The following PCDHGA6 variants were observed in gnomAD, a reference collection of about 807,000 sequenced individuals.
The protein encoded by PCDHGA6 is protocadherin gamma-A6.
PCDHGA6 carries 41 observed loss-of-function variants against 60.6 expected under a neutral mutation model. The observed-to-expected ratio is 0.68, with a 90% CI of 0.53 to 0.88. The LOEUF is 0.88. Ranked by LOEUF, PCDHGA6 falls within the 40% of genes least tolerant of loss-of-function variation. PCDHGA6 has a pLI of 0.00. For missense variants in PCDHGA6, 1,312 were observed against 1,203.0 expected (o/e 1.09, Z -1.34); for synonymous variants, 594 against 524.4 (o/e 1.13, Z -1.81).
chr5:141,461,988 T>A (rs771762127), intron 1 of PCDHGA6, among the ~76,000 whole-genome samples: 1 of 152,170 alleles, frequency 6.6e-6, no homozygotes, highest in Non-Finnish European at 1.5e-5. Flanking sequence ...CACGCCAGGC[T>A]AATTTTGTAT....
At chr5:141,418,802 T>C in intron 1 of PCDHGA6, 1 of 1,613,862 alleles carries the variant, frequency 6.2e-7, no homozygotes, top group Non-Finnish European at 8.5e-7. Flanking sequence ...AGTAGAAAGA[T>C]ATACGATAAA....
In PCDHGA6 at chr5:141,476,928, T is replaced by C. The variant is rs1279715094; in HGVS notation, c.2425-17879T>C. 6.2e-7 allele frequency: 1 copy of C among 1,614,142 alleles called. No individual in the cohort carries two copies. The highest frequency in any genetic ancestry group is 2.2e-5 in the East Asian group (1 of 44,868). On this transcript the variant is annotated intron_variant, in intron 1 of 3. Transcript: ENST00000517434. This position sits in a 1 kb window ranked among gnomAD's most constrained non-coding sequence, Gnocchi z 7.6. ...GTGGTACAAGTCCTTGCAACGGATC[T>C]GGATGAAGGCCCCAACGGTGAAATT...
chr5:141,404,429 G>A (rs760246804), intron 1 of PCDHGA6: 1 of 1,613,682 alleles, frequency 6.2e-7, no homozygotes, highest in East Asian at 2.2e-5. Flanking sequence ...CTCCTTGGCA[G>A]AGGATACCAT....
intron 1 of PCDHGA6, among the ~76,000 whole-genome samples, chr5:141,470,842 C>A (rs2099241464): frequency 6.6e-6 from 1 of 152,044 alleles, no homozygotes; most frequent in Non-Finnish European, 1.5e-5. Context: ...CACACGCCAC[C>A]ATGCTCAGAT....
At chr5:141,387,570 A>T (rs1490079513) in intron 1 of PCDHGA6, 4 of 455,052 alleles carry the variant, frequency 8.8e-6, no homozygotes, top group Non-Finnish European at 1.2e-5. Flanking sequence ...CACAATTATA[A>T]TTATTGCACT....
intron 1 of PCDHGA6, chr5:141,418,959 C>A: frequency 6.2e-7 from 1 of 1,613,976 alleles, no homozygotes; most frequent in East Asian, 2.2e-5. Flanking sequence ...GTGGTTGTTG[C>A]CCTCTTCAAA....
chr5:141,428,197 G>A, intron 1 of PCDHGA6: 3 of 1,385,968 alleles, frequency 2.2e-6, no homozygotes, highest in Non-Finnish European at 3.0e-6. Context: ...CGCTCTCTGC[G>A]CCGCTACGCT....
At chr5:141,404,949 A>G in intron 1 of PCDHGA6, 1 of 1,613,834 alleles carries the variant, frequency 6.2e-7, no homozygotes, top group Non-Finnish European at 8.5e-7. Flanking sequence ...GCCATAGCTG[A>G]CAGCATCCCA....
intron 1 of PCDHGA6, among the ~76,000 whole-genome samples, chr5:141,461,433 C>A (rs183800312): frequency 1.3e-5 from 2 of 151,970 alleles, no homozygotes; most frequent in Non-Finnish European, 1.5e-5. Context: ...CATTTGTATA[C>A]CTTCTTTTGA....
In PCDHGA6 at chr5:141,486,675, A is replaced by T; in HGVS notation, c.2425-8132A>T. On this transcript the variant is annotated intron_variant, in intron 1 of 3. Coordinates refer to ENST00000517434, the MANE Select transcript of PCDHGA6 (RefSeq NM_018919.3). The surrounding 1 kb of genome is among the most constrained non-coding windows in gnomAD (Gnocchi z 5.0). ...TCACTCCTGGAGCCCAGGAATCGAGATGTATCAGCTTCCTCTTTCATCTCT... is the reference window on the plus strand; with the variant it reads ...TCACTCCTGGAGCCCAGGAATCGAGTTGTATCAGCTTCCTCTTTCATCTCT... The T allele has an allele frequency of 6.2e-7, 1 of 1,614,056 alleles. No individual in the cohort carries two copies. The highest frequency in any genetic ancestry group is 8.5e-7 in the Non-Finnish European group (1 of 1,180,016).
intron 1 of PCDHGA6, among the ~76,000 whole-genome samples, chr5:141,467,017 C>T (rs1036255706): frequency 4.0e-5 from 6 of 151,156 alleles, no homozygotes; most frequent in African/African-American, 1.5e-4. Context: ...AATTTTTTTC[C>T]CTTTGTTTTT....
chr5:141,420,123 G>A (rs1335693841), intron 1 of PCDHGA6: 1 of 1,613,968 alleles, frequency 6.2e-7, no homozygotes, highest in Non-Finnish European at 8.5e-7. Flanking sequence ...TATAATTTTT[G>A]TGTGCCTGGG....
chr5:141,476,179 T>C lies in PCDHGA6; in HGVS notation c.2425-18628T>C, dbSNP rs1283155400. 26 of 1,613,476 alleles carry C rather than the reference T, an allele frequency of 1.6e-5. No homozygotes were observed. The highest frequency in any genetic ancestry group is 2.0e-5 in the Non-Finnish European group (24 of 1,179,998). On this transcript the variant is annotated intron_variant, in intron 1 of 3. Transcript: ENST00000517434. This position sits in a 1 kb window ranked among gnomAD's most constrained non-coding sequence, Gnocchi z 7.6. Reference sequence around the variant, plus strand: ...CCGGGAGGGTAGTGGGAGTTTTGCTTCTGCTTGGTGCCTTGAACAAGGCTT... The same window carrying C: ...CCGGGAGGGTAGTGGGAGTTTTGCTCCTGCTTGGTGCCTTGAACAAGGCTT...
rs765634746 is a variant in PCDHGA6 at position 141,418,621 on chromosome 5, C to A, written c.2424+42114C>A. On this transcript the variant is annotated intron_variant, in intron 1 of 3. Transcript: ENST00000517434. Reference sequence around the variant, plus strand: ...TGTACAGGGTTAGCCTTCGGGAAGACGTGCCTCCAGGCACCTCCATCCTGA... The same window carrying A: ...TGTACAGGGTTAGCCTTCGGGAAGAAGTGCCTCCAGGCACCTCCATCCTGA... 8 of 1,614,034 alleles carry A rather than the reference C, an allele frequency of 5.0e-6. No individual in the cohort carries two copies. The East Asian group carries it at 1.8e-4, about 36-fold the overall frequency.
At position 141,404,694 on chromosome 5, in the gene PCDHGA6, C is replaced by T. The variant is rs749803871; in HGVS notation, c.2424+28187C>T. 10 of 1,614,116 alleles carry T rather than the reference C, an allele frequency of 6.2e-6. No homozygotes were observed. The East Asian group carries it at 2.0e-4, about 32-fold the overall frequency. ...ACTGGTGTGGAGCTGGCACCCCGCT[C>T]TGCAGAGCCTGGCTACCTGGTGACC... On this transcript the variant is annotated intron_variant, in intron 1 of 3. Coordinates refer to ENST00000517434, the MANE Select transcript of PCDHGA6 (RefSeq NM_018919.3).
chr5:141,430,673 C>A, intron 1 of PCDHGA6: 1 of 1,288,318 alleles, frequency 7.8e-7, no homozygotes, highest in Non-Finnish European at 1.0e-6. Flanking sequence ...TCTGACTTCC[C>A]AACTGTCCCA....
chr5:141,389,410 GCGGGGTGGTGTTCGCGCAGCGCGC>G, intron 1 of PCDHGA6: 1 of 1,613,600 alleles, frequency 6.2e-7, no homozygotes, highest in Non-Finnish European at 8.5e-7. Context: ...AGCGCGGAGA[GCGGGGTGGTGTTCGCGCAGCGCGC>G]CTTCGACCAC....
chr5:141,441,737 C>CG, intron 1 of PCDHGA6: 1 of 365,242 alleles, frequency 2.7e-6, no homozygotes, highest in South Asian at 2.2e-5. Flanking sequence ...AGGACTAGCT[C>CG]GCGCTCGGCG....
At chr5:141,482,116 T>C (rs1017195289) in intron 1 of PCDHGA6, among the ~76,000 whole-genome samples, 4 of 150,222 alleles carry the variant, frequency 2.7e-5, no homozygotes, top group South Asian at 2.1e-4. Context: ...TATCTAGAGA[T>C]GGGAGAATCA....
Sources: allele counts gnomAD v4.1 joint callset (sites outside exome capture counted in the v4.1 genomes callset), GRCh38; gene constraint gnomAD v4.1.1; non-coding constraint Gnocchi (gnomAD v3.1); transcripts MANE v1.5; gene names NCBI Gene and HGNC (gene_info 2026-07-23, HGNC 2026-07-21).